The following SLC25A21 variants were observed in gnomAD, a reference collection of about 807,000 sequenced individuals.
SLC25A21 encodes the protein solute carrier family 25 member 21.
In SLC25A21, 47 loss-of-function variants were observed where a neutral mutation model predicts 43.8. The observed-to-expected ratio is 1.07, with a 90% CI of 0.85 to 1.37. The LOEUF is 1.37. SLC25A21 is among the 40% of genes most tolerant of loss of function. The pLI is 0.00. For missense variants in SLC25A21, 352 were observed against 350.2 expected, an observed-to-expected ratio of 1.00 and a Z score of -0.04; for synonymous variants, 131 against 121.3, an observed-to-expected ratio of 1.08 and a Z score of -0.52.
intron 3 of SLC25A21, among the ~76,000 whole-genome samples, chr14:36,747,538 T>C (rs146239903): frequency 6.6e-6 from 1 of 152,288 alleles, no homozygotes; most frequent in Non-Finnish European, 1.5e-5. Context: ...AATTCAGAGA[T>C]GTCCTCCACA....
rs780464975 is a variant in SLC25A21, at chr14:36,764,079, A to AGAAG, written c.204-29510_204-29507dup. Among the ~76,000 whole-genome samples the AGAAG allele has an allele frequency of 6.0e-3, 252 of 41,856 alleles. 21 individuals carry two copies. Among genetic ancestry groups the AGAAG allele is most frequent in the Admixed American group, 0.02 (56 of 2,856 alleles). The allele number at this position is 41,856 out of a possible 152,430, so 27.5% of individuals were successfully genotyped here. A position where few individuals can be genotyped will look rare whatever the true frequency, so the allele number is the denominator to read the frequency against. On this transcript the variant is annotated intron_variant, in intron 3 of 9. Coordinates refer to ENST00000331299, the MANE Select transcript of SLC25A21 (RefSeq NM_030631.4). ...AAGAAAGAAAGAAAGAAAGAAAGAAAGAAGGAAGGAAGGAAGGAAGGAAGG... is the reference window on the plus strand; with the variant it reads ...AAGAAAGAAAGAAAGAAAGAAAGAAAGAAGGAAGGAAGGAAGGAAGGAAGGAAGG...
intron 1 of SLC25A21, among the ~76,000 whole-genome samples, chr14:37,144,924 G>T (rs8017867): frequency 0.54 from 81,497 of 150,284 alleles, 22,462 homozygotes; most frequent in East Asian, 0.73. Flanking sequence ...CAGCCTGGGT[G>T]GTTGTTGTTG....
chr14:37,162,081 T>C (rs1410193920), intron 1 of SLC25A21, among the ~76,000 whole-genome samples: 1 of 150,522 alleles, frequency 6.6e-6, no homozygotes, highest in Non-Finnish European at 1.5e-5. Flanking sequence ...GGCCAAGGAA[T>C]ACCAAGCGTT....
At chr14:36,704,042 AT>A (rs1883392953) in intron 7 of SLC25A21, among the ~76,000 whole-genome samples, 1 of 152,208 alleles carries the variant, frequency 6.6e-6, no homozygotes, top group East Asian at 1.9e-4. Context: ...TGGTCAGTCA[AT>A]ATCCAAAGCA....
intron 3 of SLC25A21, among the ~76,000 whole-genome samples, chr14:36,764,199 A>AAAAAGAAAGAAACT (rs1246611352): frequency 6.8e-6 from 1 of 146,924 alleles, no homozygotes; most frequent in African/African-American, 2.7e-5. Context: ...AAAGAGAAAG[A>AAAAAGAAAGAAACT]AAGAAACTGT....
intron 3 of SLC25A21, among the ~76,000 whole-genome samples, chr14:36,770,616 T>C (rs1886584886): frequency 1.3e-5 from 2 of 152,180 alleles, no homozygotes; most frequent in South Asian, 4.1e-4. Flanking sequence ...GCATTTGTTG[T>C]TGATTACTTG....
At chr14:36,820,243 C>T (rs1888581230) in intron 2 of SLC25A21, among the ~76,000 whole-genome samples, 1 of 152,170 alleles carries the variant, frequency 6.6e-6, no homozygotes, top group Non-Finnish European at 1.5e-5. Context: ...CTTTTGGAAA[C>T]ACATTCACAT....
At position 36,678,411 on chromosome 14, in the gene SLC25A21, G is replaced by C; in HGVS notation, c.*2247C>G. On this transcript the variant is annotated 3_prime_UTR_variant, in exon 10 of 10. Coordinates refer to ENST00000331299, the MANE Select transcript of SLC25A21 (RefSeq NM_030631.4). ...ACTTCAGGAGAAGAATAAGCAGAAG[G>C]AGCAGATGAACTCTCAGGGCCATAG... 1.7e-6 allele frequency: 2 copies of C among 1,201,828 alleles called. No homozygotes were observed. The highest frequency in any genetic ancestry group is 1.3e-5 in the South Asian group (1 of 77,264). 74.4% of individuals were successfully genotyped at this position (1,201,828 alleles called of 1,614,324 possible).
chr14:36,748,547 T>C (rs1347594019), intron 3 of SLC25A21, among the ~76,000 whole-genome samples: 1 of 152,214 alleles, frequency 6.6e-6, no homozygotes, highest in East Asian at 1.9e-4. Context: ...TCATACCACA[T>C]TATTATCAAT....
intron 2 of SLC25A21, among the ~76,000 whole-genome samples, chr14:36,867,851 G>A (rs555767023): frequency 6.6e-6 from 1 of 150,746 alleles, no homozygotes; most frequent in East Asian, 2.0e-4. Context: ...TAATAATGTG[G>A]ATGCCATTAT....
In SLC25A21 at chr14:36,837,711, C is replaced by G. The variant is rs143547103; in HGVS notation, c.120-23710G>C. Among the ~76,000 whole-genome samples, 4 of 152,262 alleles carry G rather than the reference C, an allele frequency of 2.6e-5. No individual in the cohort carries two copies. The East Asian group carries it at 7.7e-4, about 29-fold the overall frequency. On this transcript the variant is annotated intron_variant, in intron 2 of 9. Coordinates refer to ENST00000331299, the MANE Select transcript of SLC25A21 (RefSeq NM_030631.4). ...GCAATGACACCTTGGCTTTGCAGTT[C>G]CTTGACTCTCTCAACACCATACTAC...
At chr14:37,039,336 T>C (rs1016398141) in intron 1 of SLC25A21, among the ~76,000 whole-genome samples, 6 of 152,204 alleles carry the variant, frequency 3.9e-5, no homozygotes, top group African/African-American at 7.2e-5. Flanking sequence ...TGTATACTCC[T>C]GTGAAAACAT....
At chr14:36,843,159 C>T (rs911764623) in intron 2 of SLC25A21, among the ~76,000 whole-genome samples, 2 of 152,204 alleles carry the variant, frequency 1.3e-5, no homozygotes, top group African/African-American at 4.8e-5. Context: ...TAACAGGCCA[C>T]AGACCAGTAC....
At chr14:37,144,738 T>A (rs760814261) in intron 1 of SLC25A21, among the ~76,000 whole-genome samples, 1 of 152,194 alleles carries the variant, frequency 6.6e-6, no homozygotes, top group Non-Finnish European at 1.5e-5. Context: ...TTAGCATATA[T>A]GCATGTATTC....
At chr14:36,897,727 T>C (rs1037343637) in intron 1 of SLC25A21, among the ~76,000 whole-genome samples, 2 of 152,182 alleles carry the variant, frequency 1.3e-5, no homozygotes, top group East Asian at 3.9e-4. Context: ...GGATGTCCTT[T>C]CTGTTTGTTA....
chr14:36,840,814 AAGGG>A (rs1889361888), intron 2 of SLC25A21, among the ~76,000 whole-genome samples: 1 of 152,192 alleles, frequency 6.6e-6, no homozygotes. Flanking sequence ...AGTCAGAAGG[AAGGG>A]AGGAAGAAAT....
At chr14:36,826,584 C>G (rs1368863609) in intron 2 of SLC25A21, among the ~76,000 whole-genome samples, 1 of 152,212 alleles carries the variant, frequency 6.6e-6, no homozygotes, top group African/African-American at 2.4e-5. Flanking sequence ...TTGATTATGG[C>G]TCTTCGTGAG....
intron 3 of SLC25A21, among the ~76,000 whole-genome samples, chr14:36,736,101 A>G (rs1261235261): frequency 6.6e-6 from 1 of 151,664 alleles, no homozygotes; most frequent in African/African-American, 2.4e-5. Flanking sequence ...ACGCCCGGCT[A>G]ATTTTTTATA....
chr14:36,760,791 G>A (rs568335166), intron 3 of SLC25A21, among the ~76,000 whole-genome samples: 34 of 152,200 alleles, frequency 2.2e-4, no homozygotes, highest in South Asian at 6.2e-4. Context: ...CCCCAGGAGA[G>A]GGCTTTAGCT....
Sources: gnomAD v4.1 joint callset for allele counts (sites outside exome capture counted in the v4.1 genomes callset) on GRCh38, gnomAD v4.1.1 for gene constraint, MANE v1.5 for transcripts, NCBI Gene and HGNC (gene_info 2026-07-23, HGNC 2026-07-21) for gene names.